The following FGF12 variants were observed in gnomAD, a reference collection of about 807,000 sequenced individuals.
FGF12 encodes fibroblast growth factor 12.
In FGF12, 14 loss-of-function variants were observed where a neutral mutation model predicts 23.6. The ratio of observed to expected loss-of-function variants is 0.59; its 90% CI spans 0.39 to 0.93. FGF12 has a LOEUF of 0.93. Among genes scored for constraint, FGF12 ranks in the 40% least tolerant of loss-of-function variants. The pLI is 0.00. For synonymous variants in FGF12, 62 were observed against 77.3 expected (o/e 0.80, Z 1.04); for missense variants, 175 against 217.8 (o/e 0.80, Z 1.24).
chr3:192,469,652 T>C (rs1286234777), intron 2 of FGF12, among the ~76,000 whole-genome samples: 1 of 152,212 alleles, frequency 6.6e-6, no homozygotes, highest in Non-Finnish European at 1.5e-5. Context: ...AGAGAATCTG[T>C]TCTGTGCTAT....
chr3:192,299,249 C>G (rs1046250848), intron 4 of FGF12, among the ~76,000 whole-genome samples: 1 of 152,152 alleles, frequency 6.6e-6, no homozygotes, highest in South Asian at 2.1e-4. Flanking sequence ...AGCTTTCCTG[C>G]CACCACCAAT....
intron 4 of FGF12, among the ~76,000 whole-genome samples, chr3:192,317,604 T>C (rs1716297811): frequency 6.6e-6 from 1 of 152,116 alleles, no homozygotes; most frequent in South Asian, 2.1e-4. Flanking sequence ...GGTTCTCAAC[T>C]CCAGGCCCTG....
At chr3:192,395,454 T>A (rs1720478063) in intron 2 of FGF12, among the ~76,000 whole-genome samples, 1 of 152,206 alleles carries the variant, frequency 6.6e-6, no homozygotes, top group Admixed American at 6.5e-5. Context: ...AAAATACTGA[T>A]TTATTTTCTT....
intron 2 of FGF12, among the ~76,000 whole-genome samples, chr3:192,641,272 AT>A (rs1715793319): frequency 1.1e-5 from 1 of 91,732 alleles, no homozygotes; most frequent in Non-Finnish European, 2.4e-5. Flanking sequence ...CGCCCGCCTA[AT>A]TTTTTGTATT....
rs149874453 is a variant in FGF12, at chr3:192,165,144, G to A, written c.427+5314C>T. Reference sequence around the variant, plus strand: ...AATTTTCATATTTTTTAGTAGTGATGACGTTTCATCATGTCGGCCAGGCTG... The same window carrying A: ...AATTTTCATATTTTTTAGTAGTGATAACGTTTCATCATGTCGGCCAGGCTG... On this transcript the variant is annotated intron_variant, in intron 5 of 5. Transcript: ENST00000445105. 3.4e-3 allele frequency among the ~76,000 whole-genome samples: 514 copies of A among 151,920 alleles called. 1 individual carries two copies. Among genetic ancestry groups the A allele is most frequent in the African/African-American group, 0.011 (440 of 41,430 alleles).
intron 2 of FGF12, among the ~76,000 whole-genome samples, chr3:192,691,449 G>A (rs1922909): frequency 6.6e-6 from 1 of 151,650 alleles, no homozygotes; most frequent in African/African-American, 2.4e-5. Context: ...ATGAGTCAAA[G>A]AAAAAAATCA....
chr3:192,164,171 A>C (rs948019106), intron 5 of FGF12, among the ~76,000 whole-genome samples: 1 of 152,110 alleles, frequency 6.6e-6, no homozygotes, highest in Admixed American at 6.6e-5. Flanking sequence ...TTTGACTGCT[A>C]TATCTGATGC....
chr3:192,595,448 C>T (rs74437483), intron 2 of FGF12, among the ~76,000 whole-genome samples: 9,088 of 152,172 alleles, frequency 0.06, 755 homozygotes, highest in African/African-American at 0.19. Flanking sequence ...TTCTTGGCCT[C>T]GGTGAGCCTT....
intron 2 of FGF12, among the ~76,000 whole-genome samples, chr3:192,687,423 C>A (rs965330276): frequency 4.6e-5 from 7 of 152,042 alleles, no homozygotes; most frequent in Non-Finnish European, 1.0e-4. Context: ...GCTCATAAGA[C>A]CCAGGCAGAA....
chr3:192,461,664 G>A (rs1190367216), intron 2 of FGF12, among the ~76,000 whole-genome samples: 1 of 152,066 alleles, frequency 6.6e-6, no homozygotes, highest in African/African-American at 2.4e-5. Flanking sequence ...ATGTGTGTAA[G>A]CAGAAGTGTG....
chr3:192,263,229 G>A (rs931334722), intron 4 of FGF12, among the ~76,000 whole-genome samples: 10 of 151,984 alleles, frequency 6.6e-5, no homozygotes, highest in Admixed American at 2.0e-4. Context: ...ACATCATTTC[G>A]AGTAATCAAG....
At chr3:192,422,935 G>A (rs1721577124) in intron 2 of FGF12, among the ~76,000 whole-genome samples, 1 of 152,096 alleles carries the variant, frequency 6.6e-6, no homozygotes, top group African/African-American at 2.4e-5. Context: ...CATGTGGCTG[G>A]GCAGGGTGGG....
intron 2 of FGF12, among the ~76,000 whole-genome samples, chr3:192,472,741 G>C (rs895875962): frequency 6.6e-6 from 1 of 152,174 alleles, no homozygotes; most frequent in African/African-American, 2.4e-5. Flanking sequence ...CTCCCTGCTG[G>C]GCTCCTCAGC....
intron 4 of FGF12, among the ~76,000 whole-genome samples, chr3:192,184,734 C>T (rs1357254): frequency 0.11 from 17,376 of 152,214 alleles, 1,198 homozygotes; most frequent in African/African-American, 0.19. Context: ...TTGGCAAGTG[C>T]CTTCCTCAAA....
intron 4 of FGF12, among the ~76,000 whole-genome samples, chr3:192,215,494 T>C (rs1341469598): frequency 6.6e-6 from 1 of 152,196 alleles, no homozygotes; most frequent in Non-Finnish European, 1.5e-5. Flanking sequence ...ACATTATCTG[T>C]AGCATTGGGC....
intron 2 of FGF12, among the ~76,000 whole-genome samples, chr3:192,645,122 T>G (rs1457636946): frequency 6.6e-6 from 1 of 152,090 alleles, no homozygotes; most frequent in Non-Finnish European, 1.5e-5. Flanking sequence ...AGCTTGGGGC[T>G]TGCAGGCCAA....
At chr3:192,716,820 T>C (rs1416216672) in intron 2 of FGF12, among the ~76,000 whole-genome samples, 1 of 152,224 alleles carries the variant, frequency 6.6e-6, no homozygotes, top group East Asian at 1.9e-4. Context: ...CTTACCCAAG[T>C]TACAGAGACT....
chr3:192,632,562 A>G (rs1422529646), intron 2 of FGF12, among the ~76,000 whole-genome samples: 1 of 152,244 alleles, frequency 6.6e-6, no homozygotes, highest in East Asian at 1.9e-4. Flanking sequence ...GTTAATGCTC[A>G]GTAATGGTTA....
At chr3:192,610,005 G>A (rs567761134) in intron 2 of FGF12, among the ~76,000 whole-genome samples, 1 of 152,164 alleles carries the variant, frequency 6.6e-6, no homozygotes, top group Admixed American at 6.6e-5. Context: ...ACTGGTCTGT[G>A]CTAGGACAGG....
Sources: gnomAD v4.1 joint callset for allele counts (sites outside exome capture counted in the v4.1 genomes callset) on GRCh38, gnomAD v4.1.1 for gene constraint, MANE v1.5 for transcripts, NCBI Gene and HGNC (gene_info 2026-07-23, HGNC 2026-07-21) for gene names.